Variants in DTNA observed in about 807,000 individuals in gnomAD.
DTNA encodes dystrophin-related protein 3.
A neutral mutation model predicts 100.7 loss-of-function variants in DTNA; 43 were observed. That is an observed-to-expected ratio of 0.43 (90% CI 0.33 to 0.55). The LOEUF is 0.55. DTNA is among the 20% of genes least tolerant of loss of function. DTNA has a pLI of 0.04. For synonymous variants in DTNA, 349 were observed against 347.9 expected (o/e 1.00, Z -0.04); for missense variants, 798 against 953.9 (o/e 0.84, Z 2.15).
At chr18:34,724,593 C>G (rs541123007) in intron 1 of DTNA, among the ~76,000 whole-genome samples, 1 of 152,138 alleles carries the variant, frequency 6.6e-6, no homozygotes, top group African/African-American at 2.4e-5. Flanking sequence ...TATCACATGG[C>G]AAGAGAGGGG....
chr18:34,705,027 A>G (rs2081941520), intron 1 of DTNA, among the ~76,000 whole-genome samples: 1 of 152,100 alleles, frequency 6.6e-6, no homozygotes, highest in African/African-American at 2.4e-5. Flanking sequence ...ACAGTCTTCC[A>G]CTCAAAGCAC....
chr18:34,516,161 A>G (rs1176093971), intron 1 of DTNA, among the ~76,000 whole-genome samples: 1 of 152,118 alleles, frequency 6.6e-6, no homozygotes, highest in Non-Finnish European at 1.5e-5. Flanking sequence ...TACAAGAGAG[A>G]AATTTTAAAG....
chr18:34,797,760 C>T (rs986087702), intron 4 of DTNA, among the ~76,000 whole-genome samples: 5 of 152,186 alleles, frequency 3.3e-5, no homozygotes, highest in South Asian at 2.1e-4. Flanking sequence ...TGAAGCCTTT[C>T]GCCTGTCATG....
At chr18:34,815,839 A>G (rs2095584218) in intron 6 of DTNA, 70 bp from the exon 7 acceptor site, 3 of 1,291,018 alleles carry the variant, frequency 2.3e-6, no homozygotes, top group East Asian at 2.3e-5. Context: ...CTCAAATGAT[A>G]TGATATTTAC....
intron 3 of DTNA, among the ~76,000 whole-genome samples, chr18:34,782,796 G>A (rs894728465): frequency 2.0e-5 from 3 of 152,206 alleles, no homozygotes; most frequent in Non-Finnish European, 4.4e-5. Context: ...TGCTTAGCCT[G>A]TTGGGTTTTA....
At chr18:34,845,788 T>C (rs2096367161) in intron 13 of DTNA, among the ~76,000 whole-genome samples, 1 of 152,220 alleles carries the variant, frequency 6.6e-6, no homozygotes, top group Non-Finnish European at 1.5e-5. Flanking sequence ...ACATCTGCTT[T>C]AAAGCATCAG....
chr18:34,689,364 T>C (rs189915197), intron 1 of DTNA, among the ~76,000 whole-genome samples: 3 of 152,310 alleles, frequency 2.0e-5, no homozygotes, highest in Admixed American at 6.5e-5. Flanking sequence ...GTTGATGCTA[T>C]TGCTTTCTGA....
At chr18:34,509,067 C>T (rs546646781) in intron 1 of DTNA, among the ~76,000 whole-genome samples, 6 of 152,172 alleles carry the variant, frequency 3.9e-5, no homozygotes, top group South Asian at 4.1e-4. Flanking sequence ...ATCATTTACT[C>T]ATTTTGCTTG....
rs116006159 is a variant in DTNA at position 34,675,472 on chromosome 18, A to T, written c.-1-80504A>T. Among the ~76,000 whole-genome samples the T allele has an allele frequency of 3.8e-3, 583 of 152,256 alleles. 7 individuals carry two copies. Among genetic ancestry groups the T allele is most frequent in the African/African-American group, 0.013 (545 of 41,562 alleles). ...TTTAGGGTGAATAAAATAATCATGAATTCTTCAGATTGTGATGATGAAATT... is the reference window on the plus strand; with the variant it reads ...TTTAGGGTGAATAAAATAATCATGATTTCTTCAGATTGTGATGATGAAATT... On this transcript the variant is annotated intron_variant, in intron 1 of 19. Transcript: ENST00000283365.
Position 34,888,045 on chromosome 18 carries a change from C to T in DTNA, c.*311C>T, listed in dbSNP as rs111248054. The T allele has an allele frequency of 7.3e-4, 715 of 985,856 alleles. 3 individuals are homozygous for T. The African/African-American group carries it at 0.012, about 16-fold the overall frequency. 61.1% of individuals were successfully genotyped at this position (985,856 alleles called of 1,614,324 possible). ...TCAAAGTTAACTTATCAGCTACATC[C>T]TCTGTAACGTGGTTCATCCCTGGTT... On this transcript the variant is annotated 3_prime_UTR_variant, in exon 23 of 23. Coordinates refer to ENST00000444659, the MANE Select transcript of DTNA (RefSeq NM_001386795.1).
intron 17 of DTNA, chr18:34,868,637 T>G: frequency 1.0e-6 from 1 of 985,474 alleles, no homozygotes; most frequent in Non-Finnish European, 1.2e-6. Context: ...TGTGGTTCAA[T>G]GTAGTGTTTT....
intron 1 of DTNA, among the ~76,000 whole-genome samples, chr18:34,561,460 T>C (rs1168736525): frequency 6.6e-6 from 1 of 152,142 alleles, no homozygotes; most frequent in African/African-American, 2.4e-5. Flanking sequence ...CTTGTTTAAC[T>C]CTTCTAAGTT....
chr18:34,581,820 C>T (rs1306534735), intron 1 of DTNA, among the ~76,000 whole-genome samples: 1 of 151,938 alleles, frequency 6.6e-6, no homozygotes, highest in Non-Finnish European at 1.5e-5. Flanking sequence ...GACAGGGTTT[C>T]ACCATGTTGG....
At chr18:34,672,804 GTA>G (rs751222286) in intron 1 of DTNA, among the ~76,000 whole-genome samples, 3 of 152,204 alleles carry the variant, frequency 2.0e-5, no homozygotes, top group South Asian at 4.1e-4. Flanking sequence ...TATATGGTAT[GTA>G]TATATATGCA....
At chr18:34,687,962 C>T (rs1485279378) in intron 1 of DTNA, among the ~76,000 whole-genome samples, 1 of 151,892 alleles carries the variant, frequency 6.6e-6, no homozygotes, top group Admixed American at 6.6e-5. Context: ...ATTGCAACTT[C>T]TGCTTTTTTT....
At chr18:34,732,352 TCATTCTTATACAGCA>T (rs1234576644) in intron 1 of DTNA, among the ~76,000 whole-genome samples, 25 of 152,336 alleles carry the variant, frequency 1.6e-4, no homozygotes, top group African/African-American at 5.3e-4. Context: ...GGAATATAAC[TCATTCTTATACAGCA>T]GAGTCACCTG....
chr18:34,818,376 T>A (rs770322466), intron 8 of DTNA, 46 bp downstream of exon 8: 1 of 1,602,952 alleles, frequency 6.2e-7, no homozygotes, highest in Non-Finnish European at 8.5e-7. Flanking sequence ...GTGTGAGTGT[T>A]GCCCAGAGTT....
intron 1 of DTNA, among the ~76,000 whole-genome samples, chr18:34,697,615 G>A (rs2080762950): frequency 6.6e-6 from 1 of 152,132 alleles, no homozygotes; most frequent in Admixed American, 6.5e-5. Flanking sequence ...GGAGAAGATG[G>A]GATTCCAGGA....
In DTNA at chr18:34,888,527, TA is replaced by T; in HGVS notation, c.*794del. On this transcript the variant is annotated 3_prime_UTR_variant, in exon 23 of 23. Transcript: ENST00000444659. ...AATCAGCCATAGAATTTAGTGTAAA[TA>T]TTTTTTTTTCCAAATAGATATCATA... The T allele has an allele frequency of 9.1e-6, 9 of 985,750 alleles. No homozygotes were observed. Among genetic ancestry groups the T allele is most frequent in the African/African-American group, 1.7e-5 (1 of 57,364 alleles). 61.1% of individuals were successfully genotyped at this position (985,750 alleles called of 1,614,324 possible).
Sources: allele counts gnomAD v4.1 joint callset (sites outside exome capture counted in the v4.1 genomes callset), GRCh38; gene constraint gnomAD v4.1.1; transcripts MANE v1.5; gene names NCBI Gene and HGNC (gene_info 2026-07-23, HGNC 2026-07-21).